The following GRK3 variants were observed in gnomAD, a reference collection of about 807,000 sequenced individuals.
GRK3 encodes the protein G protein-coupled receptor kinase 3, also known as adrenergic, beta, receptor kinase 2.
GRK3 carries 54 observed loss-of-function variants against 95.7 expected under a neutral mutation model. The observed-to-expected ratio is 0.56, with a 90% CI of 0.45 to 0.71. The LOEUF (loss-of-function observed/expected upper bound fraction) is 0.71. Among genes scored for constraint, GRK3 ranks in the 30% least tolerant of loss-of-function variants. The pLI is 0.00. For missense variants in GRK3, 649 were observed against 851.2 expected (o/e 0.76, Z 2.96); for synonymous variants, 281 against 290.8 (o/e 0.97, Z 0.34).
intron 1 of GRK3, among the ~76,000 whole-genome samples, chr22:25,570,417 C>T (rs1931653445): frequency 6.6e-6 from 1 of 152,196 alleles, no homozygotes; most frequent in Admixed American, 6.5e-5. Context: ...CCTGAGCTGT[C>T]CCCTCCCTTG....
At chr22:25,583,068 A>T (rs1407972593) in intron 1 of GRK3, among the ~76,000 whole-genome samples, 1 of 152,160 alleles carries the variant, frequency 6.6e-6, no homozygotes, top group Non-Finnish European at 1.5e-5. Flanking sequence ...GATAGCGCAT[A>T]CTTACTAAAA....
At chr22:25,704,938 T>C (rs1393446656) in intron 15 of GRK3, among the ~76,000 whole-genome samples, 1 of 152,210 alleles carries the variant, frequency 6.6e-6, no homozygotes, top group African/African-American at 2.4e-5. Flanking sequence ...GGAAAGCTTA[T>C]AGAGAGGGAC....
At chr22:25,677,231 G>T (rs2085036983) in intron 8 of GRK3, among the ~76,000 whole-genome samples, 1 of 151,604 alleles carries the variant, frequency 6.6e-6, no homozygotes, top group Non-Finnish European at 1.5e-5. Context: ...TGGGCCTGGT[G>T]ACAGGTGCCT....
intron 12 of GRK3, among the ~76,000 whole-genome samples, chr22:25,691,234 C>G (rs1360586798): frequency 6.6e-6 from 1 of 152,142 alleles, no homozygotes; most frequent in African/African-American, 2.4e-5. Context: ...TCCTCCTTAG[C>G]ACTGAATCTT....
intron 2 of GRK3, among the ~76,000 whole-genome samples, chr22:25,640,579 G>A (rs1569175271): frequency 6.6e-6 from 1 of 152,128 alleles, no homozygotes; most frequent in Non-Finnish European, 1.5e-5. Context: ...CTGAGGACAA[G>A]TATTTTTTCT....
rs1271128185 is a variant in GRK3, at chr22:25,725,357, GAATC to G, written c.*2911_*2914del. The G allele has an allele frequency of 1.0e-5, 4 of 391,072 alleles. No individual in the cohort carries two copies. Among genetic ancestry groups the G allele is most frequent in the African/African-American group, 6.2e-5 (3 of 48,492 alleles). The allele number at this position is 391,072 out of a possible 1,614,324, so 24.2% of individuals were successfully genotyped here. On this transcript the variant is annotated 3_prime_UTR_variant, in exon 21 of 21. Coordinates refer to ENST00000324198, the MANE Select transcript of GRK3 (RefSeq NM_005160.4). ...TAAGTCTTGATTTCATGATTCAAAAGAATCAATAAAGCCTAAAAATAATAGATTA... is the reference window on the plus strand; with the variant it reads ...TAAGTCTTGATTTCATGATTCAAAAGAATAAAGCCTAAAAATAATAGATTA...
At chr22:25,713,300 C>T (rs1007091993) in intron 17 of GRK3, among the ~76,000 whole-genome samples, 1 of 152,150 alleles carries the variant, frequency 6.6e-6, no homozygotes, top group South Asian at 2.1e-4. Context: ...TTCAGAGCAA[C>T]TGAGGGGCTC....
intron 8 of GRK3, among the ~76,000 whole-genome samples, chr22:25,674,822 G>A (rs1310018032): frequency 6.6e-6 from 1 of 152,048 alleles, no homozygotes; most frequent in Non-Finnish European, 1.5e-5. Context: ...AGTGGCGGGC[G>A]CCTATAGTCC....
intron 2 of GRK3, among the ~76,000 whole-genome samples, chr22:25,641,189 T>C (rs1435118495): frequency 6.6e-6 from 1 of 152,240 alleles, no homozygotes; most frequent in Non-Finnish European, 1.5e-5. Context: ...CTATTGTGTG[T>C]TGAACTAAGT....
rs779035687 is a variant in GRK3, at chr22:25,678,681, T to C, written c.648-135T>C. ...ATGCAAAATAAAAATACTTCTTGCA[T>C]GGCGCTTGGGTATTACTCTGCTTCT... On this transcript the variant is annotated intron_variant, in intron 8 of 20. Transcript: ENST00000324198. 61 of 445,980 alleles carry C rather than the reference T, an allele frequency of 1.4e-4. 1 individual carries two copies. The highest frequency in any genetic ancestry group is 2.5e-4 in the South Asian group (4 of 16,012). The allele number at this position is 445,980 out of a possible 1,614,324, so 27.6% of individuals were successfully genotyped here. A position where few individuals can be genotyped will look rare whatever the true frequency, so the allele number is the denominator to read the frequency against.
intron 1 of GRK3, among the ~76,000 whole-genome samples, chr22:25,594,323 G>T (rs540203584): frequency 1.3e-5 from 2 of 152,000 alleles, no homozygotes; most frequent in Non-Finnish European, 2.9e-5. Context: ...AAAAGTCAAG[G>T]AGGAGGGACT....
intron 1 of GRK3, among the ~76,000 whole-genome samples, chr22:25,566,268 G>A (rs773449226): frequency 5.2e-4 from 79 of 152,216 alleles, no homozygotes; most frequent in Non-Finnish European, 1.0e-3. Flanking sequence ...ATGCAATTCT[G>A]TAAAATATTG....
chr22:25,574,467 G>C (rs1031549832), intron 1 of GRK3, among the ~76,000 whole-genome samples: 8 of 152,210 alleles, frequency 5.3e-5, no homozygotes, highest in African/African-American at 1.7e-4. Flanking sequence ...ACTGCAGCCT[G>C]ACAGAGTGAG....
chr22:25,575,793 T>C (rs1356265578), intron 1 of GRK3, among the ~76,000 whole-genome samples: 1 of 152,278 alleles, frequency 6.6e-6, no homozygotes, highest in Non-Finnish European at 1.5e-5. Flanking sequence ...AGGTATATTT[T>C]ATCTGTTTGA....
At chr22:25,658,668 A>G (rs1205600623) in intron 3 of GRK3, among the ~76,000 whole-genome samples, 1 of 152,154 alleles carries the variant, frequency 6.6e-6, no homozygotes, top group African/African-American at 2.4e-5. Flanking sequence ...TTAGGAATTA[A>G]TTGGTTCTGA....
chr22:25,673,019 T>G, intron 7 of GRK3, among the ~76,000 whole-genome samples: 1 of 151,552 alleles, frequency 6.6e-6, no homozygotes, highest in Middle Eastern at 3.4e-3. Flanking sequence ...TTTTTTTTTT[T>G]TTTTTTTTTT....
At chr22:25,710,777 C>T (rs566363192) in intron 16 of GRK3, among the ~76,000 whole-genome samples, 2 of 152,304 alleles carry the variant, frequency 1.3e-5, no homozygotes, top group Admixed American at 1.3e-4. Flanking sequence ...TTAAGCTGAG[C>T]TGGACGGATA....
chr22:25,614,215 C>A (rs2084520757), intron 2 of GRK3, among the ~76,000 whole-genome samples: 1 of 152,098 alleles, frequency 6.6e-6, no homozygotes, highest in South Asian at 2.1e-4. Context: ...GCAGCCTCAA[C>A]CTCCTGGGCT....
chr22:25,667,337 C>T (rs190258979), intron 5 of GRK3, among the ~76,000 whole-genome samples: 4 of 152,276 alleles, frequency 2.6e-5, no homozygotes, highest in Admixed American at 6.5e-5. Context: ...CCCAGTGCAA[C>T]GTGAAAACGC....
Sources: allele counts gnomAD v4.1 joint callset (sites outside exome capture counted in the v4.1 genomes callset), GRCh38; gene constraint gnomAD v4.1.1; transcripts MANE v1.5; gene names NCBI Gene and HGNC (gene_info 2026-07-23, HGNC 2026-07-21).